Variants in FTO observed in about 807,000 individuals in gnomAD.
FTO encodes the protein FTO alpha-ketoglutarate dependent dioxygenase.
In FTO, 47 loss-of-function variants were observed where a neutral mutation model predicts 63.9. That is an observed-to-expected ratio of 0.74 (90% CI 0.58 to 0.94). FTO has a LOEUF of 0.94. FTO is among the 40% of genes least tolerant of loss of function. FTO has a pLI of 0.00. For synonymous variants in FTO, 207 were observed against 224.4 expected (o/e 0.92, Z 0.69); for missense variants, 562 against 618.1 (o/e 0.91, Z 0.96).
intron 1 of FTO, among the ~76,000 whole-genome samples, chr16:53,765,437 C>G (rs563768366): frequency 2.0e-5 from 3 of 151,776 alleles, no homozygotes; most frequent in Middle Eastern, 6.8e-3. Flanking sequence ...TGCCTGTAAT[C>G]CCAGCTACTC....
intron 8 of FTO, among the ~76,000 whole-genome samples, chr16:54,007,603 A>G (rs770515962): frequency 6.6e-6 from 1 of 152,262 alleles, no homozygotes; most frequent in Non-Finnish European, 1.5e-5. Context: ...CAATGCCTGC[A>G]GTGCCCATGC....
intron 4 of FTO, among the ~76,000 whole-genome samples, chr16:53,871,160 A>T (rs541801105): frequency 6.6e-6 from 1 of 152,054 alleles, no homozygotes; most frequent in Non-Finnish European, 1.5e-5. Flanking sequence ...TTTTGCTTAG[A>T]ATTCGTTGAG....
intron 7 of FTO, among the ~76,000 whole-genome samples, chr16:53,913,848 G>A (rs998756835): frequency 4.6e-5 from 7 of 151,952 alleles, no homozygotes; most frequent in African/African-American, 7.3e-5. Context: ...GTGTGGTGGC[G>A]CATGCCTGTA....
At chr16:53,880,735 C>T (rs1294479855) in intron 6 of FTO, among the ~76,000 whole-genome samples, 2 of 152,008 alleles carry the variant, frequency 1.3e-5, no homozygotes, top group African/African-American at 4.8e-5. Flanking sequence ...AGCAGAGCTT[C>T]GTGATCTCTC....
intron 8 of FTO, among the ~76,000 whole-genome samples, chr16:54,050,204 A>T (rs1394334950): frequency 6.6e-6 from 1 of 152,140 alleles, no homozygotes; most frequent in African/African-American, 2.4e-5. Flanking sequence ...TGAGTCCCAG[A>T]AATCCTGATA....
At chr16:53,938,059 C>T (rs1451772692) in intron 8 of FTO, among the ~76,000 whole-genome samples, 1 of 152,166 alleles carries the variant, frequency 6.6e-6, no homozygotes, top group East Asian at 1.9e-4. Context: ...GTTCTGCCTG[C>T]CTGCTTCATT....
intron 1 of FTO, among the ~76,000 whole-genome samples, chr16:53,797,240 A>G (rs1567995079): frequency 1.3e-5 from 2 of 152,316 alleles, no homozygotes; most frequent in East Asian, 1.9e-4. Flanking sequence ...TCTGCTACAC[A>G]TCATTATCAC....
chr16:53,992,698 A>G (rs1356414635), intron 8 of FTO: 2 of 152,036 alleles, frequency 1.3e-5, no homozygotes, highest in Non-Finnish European at 2.9e-5. Flanking sequence ...AGTATTGAGG[A>G]CCTGAGTTCC....
At chr16:54,034,548 C>T (rs1316601479) in intron 8 of FTO, among the ~76,000 whole-genome samples, 1 of 152,112 alleles carries the variant, frequency 6.6e-6, no homozygotes, top group African/African-American at 2.4e-5. Flanking sequence ...AGTAGTGTGT[C>T]CTGGAACCTG....
intron 8 of FTO, among the ~76,000 whole-genome samples, chr16:53,938,932 A>G (rs929627899): frequency 1.4e-4 from 21 of 148,176 alleles, no homozygotes; most frequent in African/African-American, 4.6e-4. Context: ...TACTAAAAAT[A>G]CAAAAAAAAA....
chr16:54,036,982 G>A (rs764762416), intron 8 of FTO, among the ~76,000 whole-genome samples: 2 of 152,160 alleles, frequency 1.3e-5, no homozygotes, highest in African/African-American at 2.4e-5. Flanking sequence ...GCATCTCCCC[G>A]TGTGTCCACT....
At chr16:54,014,861 T>C in intron 8 of FTO, among the ~76,000 whole-genome samples, 1 of 147,268 alleles carries the variant, frequency 6.8e-6, no homozygotes. Flanking sequence ...TTTTTTTTTT[T>C]TTTTTTTTTT....
chr16:53,708,176 G>A (rs2075673082), intron 1 of FTO, among the ~76,000 whole-genome samples: 1 of 152,098 alleles, frequency 6.6e-6, no homozygotes, highest in Non-Finnish European at 1.5e-5. Flanking sequence ...GACCAGCCTG[G>A]CCAACATGGT....
At chr16:53,767,855 A>T (rs560304800) in intron 1 of FTO, among the ~76,000 whole-genome samples, 3 of 152,344 alleles carry the variant, frequency 2.0e-5, no homozygotes, top group South Asian at 2.1e-4. Context: ...TAACTGTTTC[A>T]TATAAAACAT....
chr16:53,748,541 A>G (rs2076701807), intron 1 of FTO, among the ~76,000 whole-genome samples: 1 of 151,812 alleles, frequency 6.6e-6, no homozygotes, highest in African/African-American at 2.4e-5. Flanking sequence ...TGCAGCTTCC[A>G]CCTCCTAGGT....
intron 8 of FTO, among the ~76,000 whole-genome samples, chr16:53,996,896 G>A (rs1167190721): frequency 3.3e-5 from 5 of 152,082 alleles, no homozygotes; most frequent in Non-Finnish European, 7.4e-5. Context: ...ATCACCTGAG[G>A]TCAGGAGTTC....
intron 8 of FTO, among the ~76,000 whole-genome samples, chr16:53,947,661 G>A (rs1001160359): frequency 5.9e-5 from 9 of 152,172 alleles, no homozygotes; most frequent in Non-Finnish European, 1.0e-4. Flanking sequence ...AAATTAACAG[G>A]TTATCTTATT....
chr16:53,704,073 G>C (rs532922079), upstream of FTO: 41 of 1,131,170 alleles, frequency 3.6e-5, no homozygotes, highest in South Asian at 4.9e-4. Flanking sequence ...CTACTCAGAG[G>C]GAGAATAGCT....
chr16:54,000,283 G>A (rs2084036990), intron 8 of FTO, among the ~76,000 whole-genome samples: 1 of 152,066 alleles, frequency 6.6e-6, no homozygotes, highest in Non-Finnish European at 1.5e-5. Flanking sequence ...ATATTCCAAC[G>A]GTCAACAGGC....
Sources: allele counts gnomAD v4.1 joint callset (sites outside exome capture counted in the v4.1 genomes callset), GRCh38; gene constraint gnomAD v4.1.1; transcripts MANE v1.5; gene names NCBI Gene and HGNC (gene_info 2026-07-23, HGNC 2026-07-21).